CNTN1: variants seen among roughly 807,000 people sequenced by gnomAD.
CNTN1 encodes contactin-1.
CNTN1 carries 38 observed loss-of-function variants against 126.4 expected under a neutral mutation model. The observed-to-expected ratio is 0.30, with a 90% CI of 0.23 to 0.39. CNTN1 has a LOEUF of 0.39. Among genes scored for constraint, CNTN1 ranks in the 10% least tolerant of loss-of-function variants. The pLI, the probability that CNTN1 is intolerant of heterozygous loss-of-function variation, is 1.00. For missense variants in CNTN1, 1,009 were observed against 1,248.4 expected (o/e 0.81, Z 2.89); for synonymous variants, 413 against 422.6 (o/e 0.98, Z 0.28).
Position 40,830,811 on chromosome 12 carries a change from A to G in CNTN1, c.-76-77546A>G, listed in dbSNP as rs1372435799. On this transcript the variant is annotated intron_variant, in intron 1 of 23. Transcript: ENST00000551295. ...ATAGTGTATATATATATATATATAT[A>G]TATATATATATATATATATATATAC... is the stretch of plus-strand genomic sequence containing the variant. 3.4e-4 allele frequency among the ~76,000 whole-genome samples: 42 copies of G among 123,278 alleles called. 1 individual carries two copies. In the South Asian group the frequency reaches 9.7e-3, roughly 28 times the overall value. 80.9% of individuals were successfully genotyped at this position (123,278 alleles called of 152,430 possible). A position where few individuals can be genotyped will look rare whatever the true frequency, so the allele number is the denominator to read the frequency against.
At chr12:40,849,166 A>G (rs760673718) in intron 1 of CNTN1, among the ~76,000 whole-genome samples, 5 of 152,150 alleles carry the variant, frequency 3.3e-5, no homozygotes, top group Non-Finnish European at 5.9e-5. Flanking sequence ...GATTAGTAAT[A>G]CCTGGCTTCA....
chr12:40,887,143 A>G (rs958835781), intron 1 of CNTN1, among the ~76,000 whole-genome samples: 15 of 152,000 alleles, frequency 9.9e-5, no homozygotes, highest in African/African-American at 3.4e-4. Flanking sequence ...CATTGAATCT[A>G]TAAATTACCT....
intron 1 of CNTN1, among the ~76,000 whole-genome samples, chr12:40,908,154 G>A (rs1429950476): frequency 2.0e-5 from 3 of 152,078 alleles, no homozygotes; most frequent in Non-Finnish European, 4.4e-5. Flanking sequence ...TGCATTACAC[G>A]GTGTTTACAA....
At chr12:40,915,848 G>A (rs571719968) in intron 3 of CNTN1, among the ~76,000 whole-genome samples, 1 of 152,114 alleles carries the variant, frequency 6.6e-6, no homozygotes, top group African/African-American at 2.4e-5. Flanking sequence ...CTCCCAACAT[G>A]ACCATCTGAA....
intron 7 of CNTN1, among the ~76,000 whole-genome samples, 187 bp from the exon 8 acceptor site, chr12:40,933,264 ATTGAAAATAC>A (rs997165991): frequency 6.6e-6 from 1 of 151,940 alleles, no homozygotes; most frequent in African/African-American, 2.4e-5. Context: ...AGCCAATATT[ATTGAAAATAC>A]TGAGAAGTTA....
intron 7 of CNTN1, among the ~76,000 whole-genome samples, chr12:40,931,720 A>C (rs1281763552): frequency 6.6e-6 from 1 of 151,890 alleles, no homozygotes; most frequent in Non-Finnish European, 1.5e-5. Flanking sequence ...TGTGGTTCTT[A>C]ATTAGTAGGT....
chr12:40,878,655 T>C (rs1190347706), intron 1 of CNTN1, among the ~76,000 whole-genome samples: 2 of 152,220 alleles, frequency 1.3e-5, no homozygotes, highest in Non-Finnish European at 2.9e-5. Flanking sequence ...CTTTTGTCTA[T>C]TTTCCATTTT....
chr12:41,049,776 C>T (rs1014550169), intron 23 of CNTN1, among the ~76,000 whole-genome samples: 2 of 152,182 alleles, frequency 1.3e-5, no homozygotes, highest in African/African-American at 4.8e-5. Flanking sequence ...TGATCTCTGC[C>T]AATCTGGGTC....
intron 1 of CNTN1, among the ~76,000 whole-genome samples, chr12:40,871,848 G>T (rs1943509537): frequency 6.6e-6 from 1 of 152,010 alleles, no homozygotes; most frequent in South Asian, 2.1e-4. Context: ...AAAAAATGCA[G>T]ATTTTTTGGC....
chr12:40,701,750 T>C (rs2120599), intron 1 of CNTN1, among the ~76,000 whole-genome samples: 2 of 152,250 alleles, frequency 1.3e-5, no homozygotes, highest in South Asian at 4.1e-4. Context: ...TGTTATTTTC[T>C]AATTTTGGTT....
chr12:40,740,772 C>G (rs986864648), intron 1 of CNTN1, among the ~76,000 whole-genome samples: 1 of 151,938 alleles, frequency 6.6e-6, no homozygotes, highest in Non-Finnish European at 1.5e-5. Flanking sequence ...ATGTTGTTCT[C>G]GTGATACTGA....
At chr12:40,929,102 A>C (rs960611535) in intron 6 of CNTN1, among the ~76,000 whole-genome samples, 1 of 151,998 alleles carries the variant, frequency 6.6e-6, no homozygotes, top group African/African-American at 2.4e-5. Context: ...CAGAGAGGAA[A>C]GAAGGAATAG....
intron 1 of CNTN1, among the ~76,000 whole-genome samples, chr12:40,858,483 A>T (rs773479405): frequency 1.3e-5 from 2 of 152,192 alleles, no homozygotes; most frequent in Non-Finnish European, 2.9e-5. Context: ...ATTACTAAAA[A>T]AGTCAAGAAA....
intron 1 of CNTN1, among the ~76,000 whole-genome samples, chr12:40,791,591 A>G (rs192902899): frequency 6.6e-6 from 1 of 152,284 alleles, no homozygotes; most frequent in African/African-American, 2.4e-5. Flanking sequence ...TCATACACCT[A>G]TATTTTATTA....
intron 18 of CNTN1, 74 bp from the exon 19 acceptor site, chr12:41,016,608 T>A (rs1948786966): frequency 1.1e-5 from 10 of 930,924 alleles, no homozygotes; most frequent in Admixed American, 7.1e-5. Flanking sequence ...TCCGTGTGTG[T>A]CATTATCCCC....
At chr12:41,048,740 G>T (rs941371841) in intron 23 of CNTN1, among the ~76,000 whole-genome samples, 31 of 152,032 alleles carry the variant, frequency 2.0e-4, no homozygotes, top group Non-Finnish European at 4.1e-4. Context: ...AGGAAGGAAA[G>T]AGGGAAGGAA....
At chr12:41,010,305 G>T (rs887118452) in intron 17 of CNTN1, among the ~76,000 whole-genome samples, 16 of 152,172 alleles carry the variant, frequency 1.1e-4, no homozygotes, top group Admixed American at 1.0e-3. Flanking sequence ...GACTTCCAAT[G>T]GTTCCTTCCA....
At chr12:40,975,181 TATATATATATATA>T (rs1566074032) in intron 15 of CNTN1, among the ~76,000 whole-genome samples, 18,415 of 126,554 alleles carry the variant, frequency 0.15, 1,488 homozygotes, top group African/African-American at 0.21. Flanking sequence ...AAATGGATTA[TATATATATATATA>T]TATATATATA....
At chr12:40,836,712 T>C (rs1412033405) in intron 1 of CNTN1, among the ~76,000 whole-genome samples, 3 of 152,190 alleles carry the variant, frequency 2.0e-5, no homozygotes, top group Non-Finnish European at 4.4e-5. Context: ...TAATTCATTG[T>C]TGTTATAAAA....
Sources: gnomAD v4.1 joint callset for allele counts (sites outside exome capture counted in the v4.1 genomes callset) on GRCh38, gnomAD v4.1.1 for gene constraint, MANE v1.5 for transcripts, NCBI Gene and HGNC (gene_info 2026-07-23, HGNC 2026-07-21) for gene names.